ARFGEF3: variants seen among roughly 807,000 people sequenced by gnomAD.
The protein encoded by ARFGEF3 is ARFGEF family member 3.
Under a neutral mutation model 221.7 loss-of-function variants are expected in ARFGEF3, and 96 were observed. That is an observed-to-expected ratio of 0.43 (90% CI 0.37 to 0.51). The LOEUF (loss-of-function observed/expected upper bound fraction) is 0.51. Ranked by LOEUF, ARFGEF3 falls within the 20% of genes least tolerant of loss-of-function variation. The pLI, the probability that ARFGEF3 is intolerant of heterozygous loss-of-function variation, is 0.00. For synonymous variants in ARFGEF3, 1,145 were observed against 1,126.8 expected, an observed-to-expected ratio of 1.02 and a Z score of -0.32; for missense variants, 2,410 against 2,789.9, an observed-to-expected ratio of 0.86 and a Z score of 3.07.
rs371748516 is a variant in ARFGEF3, at chr6:138,263,041, T to C, written c.1558T>C (p.Leu520=). ...DTGQTTLEGE[L]GQTTPEDHSG... ...AGGCCAGACCACTCTCGAGGGAGAG[T>C]TGGGTCAGACTACACCCGAGGACCA... is the stretch of plus-strand genomic sequence containing the variant. Residue 520 remains leucine, a synonymous_variant, in exon 12 of 34, where the codon TTG becomes CTG. Coordinates refer to ENST00000251691, the MANE Select transcript of ARFGEF3 (RefSeq NM_020340.5). 1 of 1,610,700 alleles carries C rather than the reference T, an allele frequency of 6.2e-7. No homozygotes were observed. The highest frequency in any genetic ancestry group is 1.3e-5 in the African/African-American group (1 of 74,604).
chr6:138,267,997 C>A (rs1295849182), intron 12 of ARFGEF3, among the ~76,000 whole-genome samples: 1 of 152,134 alleles, frequency 6.6e-6, no homozygotes, highest in Non-Finnish European at 1.5e-5. Context: ...AAATTACAGA[C>A]CCATCACTCT....
chr6:138,244,716 T>C (rs1778454004), intron 7 of ARFGEF3, among the ~76,000 whole-genome samples: 2 of 152,220 alleles, frequency 1.3e-5, no homozygotes, highest in Admixed American at 1.3e-4. Context: ...TTTGGCTAAA[T>C]TATTTCACCC....
intron 2 of ARFGEF3, among the ~76,000 whole-genome samples, chr6:138,197,306 A>G (rs954093451): frequency 1.3e-5 from 2 of 152,196 alleles, no homozygotes; most frequent in Non-Finnish European, 2.9e-5. Flanking sequence ...GTCATCTCCT[A>G]TGATACCAAT....
chr6:138,258,448 G>T (rs1164386063), intron 10 of ARFGEF3, among the ~76,000 whole-genome samples: 1 of 152,230 alleles, frequency 6.6e-6, no homozygotes, highest in East Asian at 1.9e-4. Flanking sequence ...CATGTTGTGA[G>T]TCGTAAGGCT....
At chr6:138,180,408 C>T (rs1246358480) in intron 2 of ARFGEF3, among the ~76,000 whole-genome samples, 1 of 152,224 alleles carries the variant, frequency 6.6e-6, no homozygotes, top group African/African-American at 2.4e-5. Context: ...AGGTACTTCA[C>T]ATTATTCTAG....
intron 22 of ARFGEF3, among the ~76,000 whole-genome samples, chr6:138,306,885 A>C (rs898248922): frequency 1.3e-5 from 2 of 151,954 alleles, no homozygotes; most frequent in Non-Finnish European, 2.9e-5. Context: ...AAAAAGTAAA[A>C]CTTTTAAAAA....
At chr6:138,237,190 G>A (rs2114545140) in intron 5 of ARFGEF3, among the ~76,000 whole-genome samples, 1 of 152,252 alleles carries the variant, frequency 6.6e-6, no homozygotes, top group Non-Finnish European at 1.5e-5. Flanking sequence ...TTAAGCAGAA[G>A]CAGCAACAAA....
At chr6:138,320,347 A>G (rs1780001893) in intron 28 of ARFGEF3, among the ~76,000 whole-genome samples, 1 of 152,154 alleles carries the variant, frequency 6.6e-6, no homozygotes. Context: ...CAGGCTAGGG[A>G]TGAAGAGAAA....
Position 138,328,019 on chromosome 6 carries a change from A to C in ARFGEF3, c.5002-2A>C. 1 of 1,552,062 alleles carries C rather than the reference A, an allele frequency of 6.4e-7. No individual in the cohort carries two copies. Among genetic ancestry groups the C allele is most frequent in the Non-Finnish European group, 8.7e-7 (1 of 1,146,974 alleles). On this transcript the variant is annotated splice_acceptor_variant, in intron 31 of 33. Transcript: ENST00000251691. LOFTEE classifies it high-confidence loss of function. ...GAAATGTACCTTTGCACCCCCATACAGGTGTTTATGCTGGACACCCAGTGC... is the reference window on the plus strand; with the variant it reads ...GAAATGTACCTTTGCACCCCCATACCGGTGTTTATGCTGGACACCCAGTGC...
chr6:138,305,308 T>C (rs1207694315), intron 22 of ARFGEF3, among the ~76,000 whole-genome samples: 2 of 151,866 alleles, frequency 1.3e-5, no homozygotes, highest in African/African-American at 4.8e-5. Flanking sequence ...AAAAATCCTT[T>C]AAAAATTATT....
At position 138,334,211 on chromosome 6, in the gene ARFGEF3, G is replaced by A. The variant is rs145940997; in HGVS notation, c.5365G>A (p.Gly1789Arg). The change falls in exon 33 of 34, where the codon GGG (glycine) becomes AGG (arginine). Residue 1789 changes from glycine to arginine, a missense_variant. Around this residue, in one of 5 missense-constraint regions of ARFGEF3, gnomAD observed 723 missense variants for 991.9 expected, o/e 0.73. Coordinates refer to ENST00000251691, the MANE Select transcript of ARFGEF3 (RefSeq NM_020340.5). This position sits in a 1 kb window ranked among gnomAD's most constrained non-coding sequence, Gnocchi z 5.1. Reference protein sequence around the residue: ...RTAREFDTSPGLKCLLKKVSG... With the variant: ...RTAREFDTSPRLKCLLKKVSG... ...TGCCAGGGAGTTTGACACCAGCCCC[G>A]GGCTGAAGTGCCTGCTGAAGAAAGT... The A allele has an allele frequency of 5.0e-6, 8 of 1,613,654 alleles. No homozygotes were observed. The highest frequency in any genetic ancestry group is 3.3e-5 in the Admixed American group (2 of 59,982).
intron 4 of ARFGEF3, among the ~76,000 whole-genome samples, chr6:138,215,136 A>C (rs575951868): frequency 1.7e-4 from 26 of 152,318 alleles, no homozygotes; most frequent in African/African-American, 6.0e-4. Context: ...CCATGTACGG[A>C]TCTAATGACT....
intron 2 of ARFGEF3, among the ~76,000 whole-genome samples, chr6:138,184,936 T>C (rs1464743672): frequency 1.3e-5 from 2 of 152,178 alleles, no homozygotes; most frequent in Non-Finnish European, 2.9e-5. Context: ...AGGGTATTCT[T>C]AGTTTAGGGG....
At chr6:138,245,695 A>G in intron 8 of ARFGEF3, 104 bp downstream of exon 8, 3 of 871,014 alleles carry the variant, frequency 3.4e-6, no homozygotes, top group Non-Finnish European at 5.7e-6. Flanking sequence ...GATTATAGGG[A>G]CAATAGTTTC....
intron 2 of ARFGEF3, among the ~76,000 whole-genome samples, chr6:138,178,699 A>C (rs1360495655): frequency 6.6e-6 from 1 of 152,196 alleles, no homozygotes; most frequent in African/African-American, 2.4e-5. Flanking sequence ...CTGCTTCTCC[A>C]GCTTTACATC....
chr6:138,165,003 G>A (rs528847984), intron 1 of ARFGEF3, among the ~76,000 whole-genome samples: 2 of 152,108 alleles, frequency 1.3e-5, no homozygotes, highest in Admixed American at 6.5e-5. Context: ...GGAGCAAGGG[G>A]CCATCCCCTA....
chr6:138,310,580 C>T (rs1779808619), intron 24 of ARFGEF3, among the ~76,000 whole-genome samples: 1 of 152,196 alleles, frequency 6.6e-6, no homozygotes, highest in African/African-American at 2.4e-5. Flanking sequence ...AAACATGCCT[C>T]TTTGCTTCTG....
intron 32 of ARFGEF3, among the ~76,000 whole-genome samples, chr6:138,333,308 G>C (rs372189064): frequency 6.6e-6 from 1 of 152,142 alleles, no homozygotes; most frequent in Admixed American, 6.5e-5. Context: ...AATATATTCT[G>C]TGTCCCCAAG....
chr6:138,230,139 G>A (rs6925967), intron 5 of ARFGEF3, among the ~76,000 whole-genome samples: 3,002 of 152,198 alleles, frequency 0.02, 87 homozygotes, highest in African/African-American at 0.064. Context: ...CCACCCAGGC[G>A]TATTGCTTTC....
Sources: allele counts gnomAD v4.1 joint callset (sites outside exome capture counted in the v4.1 genomes callset), GRCh38; gene constraint gnomAD v4.1.1; regional missense constraint gnomAD v4.1.1; non-coding constraint Gnocchi (gnomAD v3.1); transcripts MANE v1.5; gene names NCBI Gene and HGNC (gene_info 2026-07-23, HGNC 2026-07-21).